The following TLCD4 variants were observed in gnomAD, a reference collection of about 807,000 sequenced individuals.
The protein encoded by TLCD4 is TLC domain containing 4.
In TLCD4, 7 loss-of-function variants were observed where a neutral mutation model predicts 24.2. That is an observed-to-expected ratio of 0.29 (90% CI 0.16 to 0.54). The LOEUF (loss-of-function observed/expected upper bound fraction) is 0.54, where lower values mean the gene tolerates loss of function less well. Ranked by LOEUF, TLCD4 falls within the 20% of genes least tolerant of loss-of-function variation. The pLI is 0.95. For missense variants in TLCD4, 259 were observed against 313.9 expected, an observed-to-expected ratio of 0.82 and a Z score of 1.32; for synonymous variants, 103 against 106.4, an observed-to-expected ratio of 0.97 and a Z score of 0.20.
intron 5 of TLCD4, among the ~76,000 whole-genome samples, chr1:95,151,688 T>G (rs1677497641): frequency 6.6e-6 from 1 of 152,136 alleles, no homozygotes; most frequent in South Asian, 2.1e-4. Context: ...TTTAAAACCT[T>G]CAGGATTGTT....
intron 5 of TLCD4, among the ~76,000 whole-genome samples, chr1:95,158,188 C>CT (rs5776255): frequency 0.25 from 32,030 of 128,592 alleles, 4,926 homozygotes; most frequent in African/African-American, 0.42. Context: ...TTAATTTTTT[C>CT]TTTTTTTTTT....
At chr1:95,114,026 CAAATGAAAGTACTTTT>C (rs1676386851), upstream of TLCD4, among the ~76,000 whole-genome samples, 1 of 151,972 alleles carries the variant, frequency 6.6e-6, no homozygotes, top group African/African-American at 2.4e-5. Context: ...CATCTGAAAA[CAAATGAAAGTACTTTT>C]AAAAAAACCT....
chr1:95,166,692 C>T (rs1044617211), intron 5 of TLCD4, among the ~76,000 whole-genome samples: 6 of 152,024 alleles, frequency 3.9e-5, no homozygotes, highest in African/African-American at 7.3e-5. Context: ...AGGAATAGGC[C>T]GTTTTAGGCC....
At chr1:95,179,940 C>T (rs1678574942) in intron 6 of TLCD4, among the ~76,000 whole-genome samples, 1 of 152,186 alleles carries the variant, frequency 6.6e-6, no homozygotes, top group Non-Finnish European at 1.5e-5. Context: ...CTTACATATC[C>T]TTTCACAATA....
intron 5 of TLCD4, among the ~76,000 whole-genome samples, chr1:95,170,144 A>G (rs941229757): frequency 1.3e-5 from 2 of 152,132 alleles, no homozygotes; most frequent in African/African-American, 4.8e-5. Context: ...ACTTAGAACA[A>G]CTAAAGAGAA....
At chr1:95,151,123 G>C (rs761573500) in intron 4 of TLCD4, among the ~76,000 whole-genome samples, 5 of 152,150 alleles carry the variant, frequency 3.3e-5, no homozygotes, top group African/African-American at 4.8e-5. Flanking sequence ...TCTTAGAGGA[G>C]CCACAGGAGT....
At chr1:95,190,164 C>T (rs1678978180) in intron 6 of TLCD4, among the ~76,000 whole-genome samples, 1 of 150,298 alleles carries the variant, frequency 6.7e-6, no homozygotes, top group Admixed American at 6.7e-5. Flanking sequence ...AGTGCAATAG[C>T]ACGATTTCGG....
chr1:95,182,050 C>A (rs534291193), intron 6 of TLCD4, among the ~76,000 whole-genome samples: 85 of 152,158 alleles, frequency 5.6e-4, no homozygotes, highest in Non-Finnish European at 9.6e-4. Context: ...AATATCACCG[C>A]AGATCTCATT....
chr1:95,148,939 C>G (rs1369969028), intron 3 of TLCD4, 148 bp downstream of exon 3: 8 of 1,145,066 alleles, frequency 7.0e-6, no homozygotes, highest in Non-Finnish European at 9.4e-6. Flanking sequence ...TAGCAAAGTG[C>G]ATTTAAATGA....
At chr1:95,115,327 C>T (rs1177263263), upstream of TLCD4, among the ~76,000 whole-genome samples, 2 of 151,974 alleles carry the variant, frequency 1.3e-5, no homozygotes, top group South Asian at 2.1e-4. Flanking sequence ...AGGCTGGTCT[C>T]GAACTCTCAA....
intron 6 of TLCD4, among the ~76,000 whole-genome samples, chr1:95,187,661 C>T (rs543111484): frequency 1.6e-4 from 24 of 152,256 alleles, no homozygotes; most frequent in South Asian, 1.0e-3. Flanking sequence ...TCCGGTTTCT[C>T]CATTTTAAAG....
At chr1:95,190,300 G>A (rs753915309) in intron 6 of TLCD4, among the ~76,000 whole-genome samples, 5 of 149,586 alleles carry the variant, frequency 3.3e-5, no homozygotes, top group Non-Finnish European at 7.4e-5. Context: ...ATGGGGTTTC[G>A]CCATTTTGGC....
chr1:95,178,903 C>T (rs2101003388), intron 6 of TLCD4, among the ~76,000 whole-genome samples: 1 of 152,304 alleles, frequency 6.6e-6, no homozygotes, highest in Non-Finnish European at 1.5e-5. Context: ...CAGTGCATGG[C>T]CCAGCTGTCC....
intron 6 of TLCD4, among the ~76,000 whole-genome samples, chr1:95,178,012 GT>G (rs1678494505): frequency 6.7e-6 from 1 of 148,874 alleles, no homozygotes; most frequent in South Asian, 2.1e-4. Context: ...GTGCAGTGGC[GT>G]GATCTTGGCT....
At position 95,182,510 on chromosome 1, in the gene TLCD4, T is replaced by G. The variant is rs1003735699; in HGVS notation, c.473+8621T>G. ...ATTAAGGGCATTTCTAACTGAAACT[T>G]TTCTTTTTTCTGGTTTTGTTTTTAA... On this transcript the variant is annotated intron_variant, in intron 6 of 6. Coordinates refer to ENST00000370203, the MANE Select transcript of TLCD4 (RefSeq NM_152487.3). 3.9e-5 allele frequency among the ~76,000 whole-genome samples: 6 copies of G among 152,176 alleles called. No homozygotes were observed. In the East Asian group the frequency reaches 1.2e-3, roughly 29 times the overall value.
rs529466317 is a variant in TLCD4, at chr1:95,147,258, G to A, written c.156-1444G>A. Among the ~76,000 whole-genome samples, 23 of 152,098 alleles carry A rather than the reference G, an allele frequency of 1.5e-4. No homozygotes were observed. In the South Asian group the frequency reaches 4.6e-3, roughly 30 times the overall value. Reference sequence around the variant, plus strand: ...CCAGCTAATTTTTGTATTTTTGGTAGAGATGGAATTTCACCATGTTGACCA... The same window carrying A: ...CCAGCTAATTTTTGTATTTTTGGTAAAGATGGAATTTCACCATGTTGACCA... On this transcript the variant is annotated intron_variant, in intron 2 of 6. Coordinates refer to ENST00000370203, the MANE Select transcript of TLCD4 (RefSeq NM_152487.3).
intron 1 of TLCD4, 176 bp downstream of exon 1, chr1:95,117,793 G>GA (rs1264340752): frequency 6.6e-6 from 1 of 150,904 alleles, no homozygotes; most frequent in Non-Finnish European, 1.5e-5. Flanking sequence ...CGGCGCGCGG[G>GA]AGGCGGCCCG....
At chr1:95,136,404 A>T (rs938350092) in intron 1 of TLCD4, among the ~76,000 whole-genome samples, 1 of 152,038 alleles carries the variant, frequency 6.6e-6, no homozygotes, top group Non-Finnish European at 1.5e-5. Context: ...TATGATTTGG[A>T]TTCATTATTT....
At chr1:95,127,805 G>A (rs1443480420) in intron 1 of TLCD4, among the ~76,000 whole-genome samples, 1 of 152,166 alleles carries the variant, frequency 6.6e-6, no homozygotes, top group African/African-American at 2.4e-5. Context: ...CTCTCAAGCT[G>A]TATAAGCTTC....
Sources: gnomAD v4.1 joint callset for allele counts (sites outside exome capture counted in the v4.1 genomes callset) on GRCh38, gnomAD v4.1.1 for gene constraint, MANE v1.5 for transcripts, NCBI Gene and HGNC (gene_info 2026-07-23, HGNC 2026-07-21) for gene names.